The following KCND3 variants were observed in gnomAD, a reference collection of about 807,000 sequenced individuals.
KCND3 encodes the protein potassium voltage-gated channel subfamily D member 3.
Under a neutral mutation model 51.1 loss-of-function variants are expected in KCND3, and 9 were observed. The observed-to-expected ratio is 0.18, with a 90% CI of 0.11 to 0.31. The LOEUF is 0.31. Ranked by LOEUF, KCND3 falls within the 10% of genes least tolerant of loss-of-function variation. The pLI, the probability that KCND3 is intolerant of heterozygous loss-of-function variation, is 1.00. For synonymous variants in KCND3, 349 were observed against 368.0 expected (o/e 0.95, Z 0.59); for missense variants, 526 against 903.8 (o/e 0.58, Z 5.36).
chr1:111,844,170 C>T (rs895960996), intron 2 of KCND3, among the ~76,000 whole-genome samples: 3 of 152,164 alleles, frequency 2.0e-5, no homozygotes, highest in Non-Finnish European at 4.4e-5. Flanking sequence ...ACCTGTGACA[C>T]GTGGAATGCC....
In KCND3 at chr1:111,780,556, TG is replaced by T; in HGVS notation, c.1371+133del. ...GGTGTGTGAATGGGGGGCTGCTACCTGGGGAAAGTTTGGAAACGTGTCCTCC... is the reference window on the plus strand; with the variant it reads ...GGTGTGTGAATGGGGGGCTGCTACCTGGGAAAGTTTGGAAACGTGTCCTCC... On this transcript the variant is annotated intron_variant, in intron 4 of 7. Coordinates refer to ENST00000302127, the MANE Select transcript of KCND3 (RefSeq NM_001378969.1). This position sits in a 1 kb window ranked among gnomAD's most constrained non-coding sequence, Gnocchi z 4.2. The T allele has an allele frequency of 1.2e-6, 1 of 868,378 alleles. No homozygotes were observed. The highest frequency in any genetic ancestry group is 1.9e-6 in the Non-Finnish European group (1 of 531,674). 53.8% of individuals were successfully genotyped at this position (868,378 alleles called of 1,614,324 possible).
chr1:111,903,525 C>T (rs1670492411), intron 2 of KCND3, among the ~76,000 whole-genome samples: 1 of 152,246 alleles, frequency 6.6e-6, no homozygotes, highest in Non-Finnish European at 1.5e-5. Context: ...CCATTGATTT[C>T]TGATCTCTGA....
intron 2 of KCND3, among the ~76,000 whole-genome samples, chr1:111,819,956 G>C (rs1263893851): frequency 6.6e-6 from 1 of 152,164 alleles, no homozygotes; most frequent in African/African-American, 2.4e-5. Context: ...CTGCCCCGGA[G>C]GTTGCAGAAT....
intron 2 of KCND3, among the ~76,000 whole-genome samples, chr1:111,907,970 C>A (rs956300689): frequency 2.0e-5 from 3 of 152,204 alleles, no homozygotes; most frequent in Non-Finnish European, 4.4e-5. Flanking sequence ...GAAATTCATT[C>A]ATTCATTTAC....
At chr1:111,890,319 T>A (rs1267963496) in intron 2 of KCND3, among the ~76,000 whole-genome samples, 1 of 152,032 alleles carries the variant, frequency 6.6e-6, no homozygotes, top group Non-Finnish European at 1.5e-5. Context: ...CAGCAAGATG[T>A]CTTGAGAGGT....
At chr1:111,825,813 T>C (rs1666546253) in intron 2 of KCND3, among the ~76,000 whole-genome samples, 1 of 152,258 alleles carries the variant, frequency 6.6e-6, no homozygotes, top group Non-Finnish European at 1.5e-5. Context: ...GGATGCATTC[T>C]GATTCTTTCT....
Position 111,775,826 on chromosome 1 carries a change from C to G in KCND3, c.*251G>C, listed in dbSNP as rs910170288. 6.8e-6 allele frequency: 1 copy of G among 146,692 alleles called. No individual in the cohort carries two copies. The highest frequency in any genetic ancestry group is 2.2e-4 in the South Asian group (1 of 4,550). The allele number at this position is 146,692 out of a possible 1,614,324, so 9.1% of individuals were successfully genotyped here. A position where few individuals can be genotyped will look rare whatever the true frequency, so the allele number is the denominator to read the frequency against. On this transcript the variant is annotated 3_prime_UTR_variant, in exon 8 of 8. Transcript: ENST00000302127. Reference sequence around the variant, plus strand: ...TCCCCCGGCCTATCCCCGACCCCCCCACCCTCCCTCCCTTCCTCTGGCCCC... The same window carrying G: ...TCCCCCGGCCTATCCCCGACCCCCCGACCCTCCCTCCCTTCCTCTGGCCCC...
At chr1:111,820,012 G>A (rs1666276026) in intron 2 of KCND3, among the ~76,000 whole-genome samples, 1 of 152,196 alleles carries the variant, frequency 6.6e-6, no homozygotes, top group South Asian at 2.1e-4. Context: ...CTGAAATGCA[G>A]GCTTAATTGC....
At chr1:111,841,911 C>A (rs560670287) in intron 2 of KCND3, among the ~76,000 whole-genome samples, 1 of 152,236 alleles carries the variant, frequency 6.6e-6, no homozygotes, top group Non-Finnish European at 1.5e-5. Flanking sequence ...TATGCCCAAG[C>A]GGCCCTGGGA....
At chr1:111,884,634 A>G (rs879767880) in intron 2 of KCND3, among the ~76,000 whole-genome samples, 11 of 152,178 alleles carry the variant, frequency 7.2e-5, no homozygotes, top group Admixed American at 7.2e-4. Context: ...AGTCCCCCAA[A>G]TCTGGGGACT....
intron 2 of KCND3, among the ~76,000 whole-genome samples, chr1:111,864,999 G>A (rs1203418950): frequency 1.3e-5 from 2 of 152,176 alleles, no homozygotes; most frequent in Non-Finnish European, 2.9e-5. Flanking sequence ...TGGTGGGGGT[G>A]GGCAGCAGGC....
intron 2 of KCND3, among the ~76,000 whole-genome samples, chr1:111,932,319 A>G (rs993813212): frequency 1.3e-5 from 2 of 152,162 alleles, no homozygotes; most frequent in Non-Finnish European, 2.9e-5. Flanking sequence ...TGCCTCCCAC[A>G]AGGGCCAGCT....
At chr1:111,787,186 C>T (rs1301521229) in intron 2 of KCND3, 80 bp from the exon 3 acceptor site, 1 of 1,396,734 alleles carries the variant, frequency 7.2e-7, no homozygotes, top group Non-Finnish European at 1.0e-6. Flanking sequence ...CAATCATTCA[C>T]CTGTTTATTC....
chr1:111,797,539 T>A (rs1252554792), intron 2 of KCND3, among the ~76,000 whole-genome samples: 3 of 152,156 alleles, frequency 2.0e-5, no homozygotes, highest in Non-Finnish European at 2.9e-5. Flanking sequence ...GCTTATGATG[T>A]TTATAGGGAA....
chr1:111,970,428 A>G (rs1674263363), intron 2 of KCND3, among the ~76,000 whole-genome samples: 1 of 152,252 alleles, frequency 6.6e-6, no homozygotes, highest in Non-Finnish European at 1.5e-5. Context: ...TTTGTTGAAT[A>G]AACAATCAAA....
intron 2 of KCND3, among the ~76,000 whole-genome samples, chr1:111,793,423 C>T (rs979023405): frequency 1.3e-5 from 2 of 150,608 alleles, no homozygotes; most frequent in Admixed American, 6.6e-5. Flanking sequence ...GTGATCTGCC[C>T]GCCTCAGCCT....
intron 2 of KCND3, among the ~76,000 whole-genome samples, chr1:111,899,679 T>C (rs973715760): frequency 6.6e-6 from 1 of 152,194 alleles, no homozygotes; most frequent in South Asian, 2.1e-4. Flanking sequence ...ATAGATTGTG[T>C]GTGAGCACTC....
rs199637120 is a variant in KCND3 at position 111,780,691 on chromosome 1, G to A, written c.1370C>T (p.Thr457Met). The A allele has an allele frequency of 3.9e-5, 63 of 1,607,646 alleles. No individual in the cohort carries two copies. Among genetic ancestry groups the A allele is most frequent in the Middle Eastern group, 1.6e-4 (1 of 6,072 alleles). Reference sequence around the variant, plus strand: ...AGCCCAGGTCCTCTAGGCACCTACCGTCAGCTCCAGCGCCTCGTTGAGGAG... The same window carrying A: ...AGCCCAGGTCCTCTAGGCACCTACCATCAGCTCCAGCGCCTCGTTGAGGAG... ...NGLLNEALEL[T>M]GTPEEEHMGK... The change falls in exon 4 of 8, where the codon ACG (threonine) becomes ATG (methionine). Residue 457 changes from threonine to methionine, a missense_variant and splice_region_variant. Coordinates refer to ENST00000302127, the MANE Select transcript of KCND3 (RefSeq NM_001378969.1). This position sits in a 1 kb window ranked among gnomAD's most constrained non-coding sequence, Gnocchi z 4.2.
intron 2 of KCND3, among the ~76,000 whole-genome samples, chr1:111,957,074 A>T (rs753826458): frequency 6.6e-6 from 1 of 152,352 alleles, no homozygotes; most frequent in East Asian, 1.9e-4. Flanking sequence ...GGAGGAAAAC[A>T]TCTCAAACAA....
Sources: gnomAD v4.1 joint callset for allele counts (sites outside exome capture counted in the v4.1 genomes callset) on GRCh38, gnomAD v4.1.1 for gene constraint, Gnocchi (gnomAD v3.1) non-coding constraint, MANE v1.5 for transcripts, NCBI Gene and HGNC (gene_info 2026-07-23, HGNC 2026-07-21) for gene names.